The following ADGRB3 variants were observed in gnomAD, a reference collection of about 807,000 sequenced individuals.
The protein encoded by ADGRB3 is brain-specific angiogenesis inhibitor 3.
A neutral mutation model predicts 193.4 loss-of-function variants in ADGRB3; 37 were observed. The ratio of observed to expected loss-of-function variants is 0.19; its 90% CI spans 0.15 to 0.25. ADGRB3 has a LOEUF of 0.25. ADGRB3 is among the 10% of genes least tolerant of loss of function. The pLI is 1.00. For missense variants in ADGRB3, 1,637 were observed against 1,852.9 expected, an observed-to-expected ratio of 0.88 and a Z score of 2.14; for synonymous variants, 690 against 644.2, an observed-to-expected ratio of 1.07 and a Z score of -1.08.
At chr6:69,002,821 A>C (rs1043311929) in intron 11 of ADGRB3, among the ~76,000 whole-genome samples, 1 of 152,088 alleles carries the variant, frequency 6.6e-6, no homozygotes, top group Non-Finnish European at 1.5e-5. Flanking sequence ...TTACAGTACA[A>C]CTCTAGCCTT....
intron 13 of ADGRB3, among the ~76,000 whole-genome samples, chr6:69,027,849 T>C (rs1430691780): frequency 2.0e-5 from 3 of 152,184 alleles, no homozygotes; most frequent in Admixed American, 2.0e-4. Flanking sequence ...CAAGGAAATA[T>C]ATCCACTGCA....
At chr6:69,025,364 T>A (rs1320613) in intron 13 of ADGRB3, among the ~76,000 whole-genome samples, 43,829 of 152,000 alleles carry the variant, frequency 0.29, 8,365 homozygotes, top group East Asian at 0.89. Context: ...GACAATATTA[T>A]TCTAAAATAT....
At chr6:69,359,278 A>C (rs1013645030) in intron 28 of ADGRB3, among the ~76,000 whole-genome samples, 1 of 151,578 alleles carries the variant, frequency 6.6e-6, no homozygotes. Flanking sequence ...TAAATTTAGC[A>C]TACTTTGCCC....
chr6:68,702,262 T>C (rs964707119), intron 3 of ADGRB3, among the ~76,000 whole-genome samples: 1 of 151,960 alleles, frequency 6.6e-6, no homozygotes, highest in Non-Finnish European at 1.5e-5. Flanking sequence ...CTTTTTTAAA[T>C]GACTAGATCT....
intron 19 of ADGRB3, among the ~76,000 whole-genome samples, chr6:69,238,426 A>G (rs1049625341): frequency 6.6e-6 from 1 of 152,086 alleles, no homozygotes; most frequent in African/African-American, 2.4e-5. Flanking sequence ...TATATAACAG[A>G]CTGTATATAA....
intron 16 of ADGRB3, among the ~76,000 whole-genome samples, chr6:69,070,648 T>G (rs970496894): frequency 6.6e-6 from 1 of 152,148 alleles, no homozygotes; most frequent in Non-Finnish European, 1.5e-5. Flanking sequence ...GAGGCAAGAG[T>G]GCCATTATTA....
intron 20 of ADGRB3, among the ~76,000 whole-genome samples, chr6:69,277,124 A>AGCT (rs1184779818): frequency 6.6e-6 from 1 of 151,128 alleles, no homozygotes; most frequent in Non-Finnish European, 1.5e-5. Context: ...GCCTCCAAGT[A>AGCT]GCTGGGATTA....
chr6:69,355,102 T>C (rs1280124375), intron 27 of ADGRB3, among the ~76,000 whole-genome samples: 1 of 152,162 alleles, frequency 6.6e-6, no homozygotes, highest in Non-Finnish European at 1.5e-5. Context: ...AACAAATAGA[T>C]AGCCAAAATC....
At chr6:68,917,951 A>G (rs773755182) in intron 3 of ADGRB3, among the ~76,000 whole-genome samples, 2 of 152,242 alleles carry the variant, frequency 1.3e-5, no homozygotes, top group Non-Finnish European at 2.9e-5. Context: ...TCATTTTAAT[A>G]TAACTTATTT....
chr6:69,338,877 A>G (rs778774882), intron 24 of ADGRB3, 39 bp from the exon 25 acceptor site: 1 of 1,572,380 alleles, frequency 6.4e-7, no homozygotes, highest in Non-Finnish European at 8.7e-7. Context: ...TGACAATTCA[A>G]TATTTTGTTC....
chr6:69,113,194 G>A (rs1051253310), intron 17 of ADGRB3, among the ~76,000 whole-genome samples: 1 of 151,854 alleles, frequency 6.6e-6, no homozygotes, highest in Non-Finnish European at 1.5e-5. Context: ...CAGATGCCGA[G>A]GAATGACTAT....
In ADGRB3 at chr6:69,225,071, T is replaced by G. The variant is rs550595635; in HGVS notation, c.2481-8219T>G. 2.1e-3 allele frequency among the ~76,000 whole-genome samples: 314 copies of G among 152,300 alleles called. 1 individual carries two copies. Among genetic ancestry groups the G allele is most frequent in the African/African-American group, 7.2e-3 (300 of 41,576 alleles). On this transcript the variant is annotated intron_variant, in intron 17 of 31. Coordinates refer to ENST00000370598, the MANE Select transcript of ADGRB3 (RefSeq NM_001704.3). ...TCTGCATTGTAACCTGTTGGGAGAT[T>G]GATCCCCACCTCAAAGTAAAAGCAT... is the stretch of plus-strand genomic sequence containing the variant.
chr6:69,157,112 C>T (rs1378937633), intron 17 of ADGRB3, among the ~76,000 whole-genome samples: 1 of 152,174 alleles, frequency 6.6e-6, no homozygotes, highest in East Asian at 1.9e-4. Flanking sequence ...GTGCAGATTA[C>T]TTAACCTCAA....
At chr6:69,091,602 A>G (rs1772711093) in intron 17 of ADGRB3, among the ~76,000 whole-genome samples, 1 of 152,142 alleles carries the variant, frequency 6.6e-6, no homozygotes, top group Non-Finnish European at 1.5e-5. Flanking sequence ...GAACACATGA[A>G]TACATAGAAG....
rs752625602 is a variant in ADGRB3 at position 68,840,369 on chromosome 6, C to CTTTTTTTTTTT, written c.758-90161_758-90151dup. On this transcript the variant is annotated intron_variant, in intron 3 of 31. Coordinates refer to ENST00000370598, the MANE Select transcript of ADGRB3 (RefSeq NM_001704.3). ...GCAGTGGAGTAAGGCACTGGGCAGT[C>CTTTTTTTTTTT]TTTTTTTTTTTTTTTTTTTTTTTTT... 1.4e-3 allele frequency among the ~76,000 whole-genome samples: 95 copies of CTTTTTTTTTTT among 69,426 alleles called. 17 individuals carry two copies. Among genetic ancestry groups the CTTTTTTTTTTT allele is most frequent in the Non-Finnish European group, 1.7e-3 (71 of 40,866 alleles). 45.5% of individuals were successfully genotyped at this position (69,426 alleles called of 152,430 possible).
At chr6:68,641,554 A>G (rs1313063340) in intron 3 of ADGRB3, among the ~76,000 whole-genome samples, 1 of 152,224 alleles carries the variant, frequency 6.6e-6, no homozygotes, top group East Asian at 1.9e-4. Flanking sequence ...AGTTTGTATC[A>G]TAGGGGAACA....
intron 19 of ADGRB3, among the ~76,000 whole-genome samples, chr6:69,237,115 T>A (rs748886336): frequency 6.6e-6 from 1 of 151,962 alleles, no homozygotes; most frequent in Non-Finnish European, 1.5e-5. Flanking sequence ...GAACTGAAAT[T>A]TAAAGCCCCA....
intron 3 of ADGRB3, among the ~76,000 whole-genome samples, chr6:68,698,207 G>A (rs1765187950): frequency 6.6e-6 from 1 of 151,752 alleles, no homozygotes; most frequent in African/African-American, 2.4e-5. Context: ...TCATTGAATT[G>A]TCTTGCAATT....
chr6:69,332,754 G>A, intron 23 of ADGRB3, 169 bp from the exon 24 acceptor site: 1 of 985,438 alleles, frequency 1.0e-6, no homozygotes, highest in Non-Finnish European at 1.2e-6. Flanking sequence ...GCACACCACT[G>A]TTAAATTGTT....
Sources: gnomAD v4.1 joint callset for allele counts (sites outside exome capture counted in the v4.1 genomes callset) on GRCh38, gnomAD v4.1.1 for gene constraint, MANE v1.5 for transcripts, NCBI Gene and HGNC (gene_info 2026-07-23, HGNC 2026-07-21) for gene names.